Variants in ST14 observed in about 807,000 individuals in gnomAD.
The protein encoded by ST14 is suppressor of tumorigenicity 14 protein.
ST14 carries 40 observed loss-of-function variants against 96.5 expected under a neutral mutation model. The observed-to-expected ratio is 0.41, with a 90% CI of 0.32 to 0.54. The LOEUF is 0.54. ST14 is among the 20% of genes least tolerant of loss of function. The pLI is 0.17. For missense variants in ST14, 1,066 were observed against 1,188.9 expected, an observed-to-expected ratio of 0.90 and a Z score of 1.52; for synonymous variants, 506 against 492.1, an observed-to-expected ratio of 1.03 and a Z score of -0.37.
Position 130,187,352 on chromosome 11 carries a change from C to T in ST14, c.82-762C>T, listed in dbSNP as rs972486083. On this transcript the variant is annotated intron_variant, in intron 1 of 18. Transcript: ENST00000278742. The surrounding 1 kb of genome is among the most constrained non-coding windows in gnomAD (Gnocchi z 4.5). The stretch of plus-strand genomic sequence containing the variant: ...ATTCTGGCCCCTCATCATGGATACC[C>T]TTGGCAGGGAGGAACCCGGGGAAGT... Among the ~76,000 whole-genome samples, 1 of 152,160 alleles carries T rather than the reference C, an allele frequency of 6.6e-6. No individual in the cohort carries two copies.
intron 9 of ST14, among the ~76,000 whole-genome samples, chr11:130,195,516 G>A (rs1282442084): frequency 6.6e-6 from 1 of 152,130 alleles, no homozygotes; most frequent in South Asian, 2.1e-4. Context: ...TGTCCGTGCC[G>A]CTCACGCCAT....
chr11:130,160,833 G>A (rs537923393), intron 1 of ST14, among the ~76,000 whole-genome samples: 145 of 152,326 alleles, frequency 9.5e-4, no homozygotes, highest in Non-Finnish European at 1.4e-3. Context: ...GGTAGTGCCC[G>A]GGCGGGACCA....
At chr11:130,161,584 AC>A (rs77872173) in intron 1 of ST14, among the ~76,000 whole-genome samples, 5,354 of 150,442 alleles carry the variant, frequency 0.036, 178 homozygotes, top group East Asian at 0.16. Context: ...CCTTCCACTC[AC>A]CCCCAGGATC....
At chr11:130,172,726 C>T (rs1394270990) in intron 1 of ST14, among the ~76,000 whole-genome samples, 1 of 152,100 alleles carries the variant, frequency 6.6e-6, no homozygotes. Context: ...CATTGCTGTC[C>T]TCTTCCTATG....
chr11:130,189,994 C>A (rs1953279122), intron 5 of ST14, 98 bp downstream of exon 5: 1 of 1,609,258 alleles, frequency 6.2e-7, no homozygotes, highest in African/African-American at 1.3e-5. Flanking sequence ...CTCCCAGGGC[C>A]CAGTGCCCCA....
chr11:130,178,100 T>G, intron 1 of ST14, among the ~76,000 whole-genome samples: 1 of 152,212 alleles, frequency 6.6e-6, no homozygotes, highest in East Asian at 1.9e-4. Context: ...TATTGCAAAC[T>G]ATACATAATA....
Position 130,197,898 on chromosome 11 carries a change from G to T in ST14, c.1412G>T (p.Cys471Phe). 1 of 1,598,012 alleles carries T rather than the reference G, an allele frequency of 6.3e-7. No individual in the cohort carries two copies. Among genetic ancestry groups the T allele is most frequent in the Non-Finnish European group, 8.5e-7 (1 of 1,175,050 alleles). The change falls in exon 12 of 19, where the codon TGT becomes TTT. Residue 471 changes from cysteine to phenylalanine, a missense_variant. Transcript: ENST00000278742. ...CGGTGTATCCGGAAGGAGCTGCGCT[G>T]TGATGGCTGGGCCGACTGCACCGAC... ...TGRCIRKELR[C>F]DGWADCTDHS...
rs4937497 is a variant in ST14, at chr11:130,203,272, G to A, written c.1994+3135G>A. Among the ~76,000 whole-genome samples, 772 of 152,212 alleles carry A rather than the reference G, an allele frequency of 5.1e-3. 3 individuals carry two copies. Among genetic ancestry groups the A allele is most frequent in the Non-Finnish European group, 8.6e-3 (582 of 68,006 alleles). On this transcript the variant is annotated intron_variant, in intron 16 of 18. Coordinates refer to ENST00000278742, the MANE Select transcript of ST14 (RefSeq NM_021978.4). ...CAAGGATGGCTCTCCCCTCTCCCCCGTCCCATGAGACCCTTTCAGCTACAT... is the reference window on the plus strand; with the variant it reads ...CAAGGATGGCTCTCCCCTCTCCCCCATCCCATGAGACCCTTTCAGCTACAT...
rs368167233 is a variant in ST14 at position 130,189,691 on chromosome 11, G to A, written c.441-48G>A. On this transcript the variant is annotated intron_variant, in intron 4 of 18. Coordinates refer to ENST00000278742, the MANE Select transcript of ST14 (RefSeq NM_021978.4). ...CTGGAGTCGCTCTGGGCGCACGTGG[G>A]GGAAATGGGGCCCAGAGCTCCGCCT... 1.4e-5 allele frequency: 23 copies of A among 1,601,822 alleles called. 1 individual carries two copies. Among genetic ancestry groups the A allele is most frequent in the African/African-American group, 9.3e-5 (7 of 74,888 alleles).
intron 11 of ST14, 31 bp downstream of exon 11, chr11:130,196,731 C>T (rs374183518): frequency 2.0e-5 from 32 of 1,613,960 alleles, no homozygotes; most frequent in Middle Eastern, 1.6e-4. Flanking sequence ...GGAGGGCTGG[C>T]GGGGGCCTGC....
chr11:130,188,409 T>TG lies in ST14; in HGVS notation c.242-118dup, dbSNP rs1953259766. Reference sequence around the variant, plus strand: ...TCTCTGGAACCCTGATGGGGAGTGATGGGAAGCAGTCAGGGCTGACCCATG... The same window carrying TG: ...TCTCTGGAACCCTGATGGGGAGTGATGGGGAAGCAGTCAGGGCTGACCCATG... On this transcript the variant is annotated intron_variant, in intron 2 of 18. Transcript: ENST00000278742. The surrounding 1 kb of genome is among the most constrained non-coding windows in gnomAD (Gnocchi z 5.4). 1 of 1,590,696 alleles carries TG rather than the reference T, an allele frequency of 6.3e-7. No individual in the cohort carries two copies.
Position 130,200,121 on chromosome 11 carries a change from G to A in ST14, c.1978G>A (p.Asp660Asn), listed in dbSNP as rs746010776. The stretch of plus-strand genomic sequence containing the variant: ...GGTCTCTGCCGCACACTGCTACATC[G>A]ATGACAGAGGATTCAGGTGGGTCTC... ...WLVSAAHCYIDDRGFRYSDPT... is the reference protein window; with the variant it reads ...WLVSAAHCYINDRGFRYSDPT... Residue 660 changes from aspartate to asparagine, a missense_variant, in exon 16 of 19, where the codon GAT becomes AAT. Physicochemically the swap from Asp to Asn is conservative, Grantham distance 23. Transcript: ENST00000278742. The A allele has an allele frequency of 1.9e-6, 3 of 1,614,136 alleles. No individual in the cohort carries two copies. Among genetic ancestry groups the A allele is most frequent in the East Asian group, 2.2e-5 (1 of 44,880 alleles).
At chr11:130,202,416 A>G (rs979974319) in intron 16 of ST14, among the ~76,000 whole-genome samples, 2 of 152,178 alleles carry the variant, frequency 1.3e-5, no homozygotes, top group African/African-American at 4.8e-5. Context: ...GTGCTGTGGC[A>G]GGGCTGTGTC....
At chr11:130,176,639 C>G (rs894733513) in intron 1 of ST14, among the ~76,000 whole-genome samples, 1 of 151,692 alleles carries the variant, frequency 6.6e-6, no homozygotes, top group African/African-American at 2.4e-5. Flanking sequence ...CCGCCTGCCT[C>G]GGCCTCCCAA....
chr11:130,172,567 A>C (rs975498520), intron 1 of ST14, among the ~76,000 whole-genome samples: 1 of 151,472 alleles, frequency 6.6e-6, no homozygotes, highest in African/African-American at 2.4e-5. Flanking sequence ...ACAGGTGCCC[A>C]CCACCATACC....
At chr11:130,163,637 G>T (rs1239166171) in intron 1 of ST14, among the ~76,000 whole-genome samples, 1 of 152,188 alleles carries the variant, frequency 6.6e-6, no homozygotes, top group Non-Finnish European at 1.5e-5. Context: ...GGGTTGGGAA[G>T]GCAGAAAGCA....
chr11:130,194,305 C>A lies in ST14; in HGVS notation c.1015+17C>A, dbSNP rs1307486403. Reference sequence around the variant, plus strand: ...GGATGAGCAGTAAGGAAGGGCAGGGCAGGGCGGGACTGCCCTCGGGCCACA... The same window carrying A: ...GGATGAGCAGTAAGGAAGGGCAGGGAAGGGCGGGACTGCCCTCGGGCCACA... On this transcript the variant is annotated intron_variant, in intron 8 of 18. Coordinates refer to ENST00000278742, the MANE Select transcript of ST14 (RefSeq NM_021978.4). 2 of 1,614,128 alleles carry A rather than the reference C, an allele frequency of 1.2e-6. No homozygotes were observed. The highest frequency in any genetic ancestry group is 1.7e-6 in the Non-Finnish European group (2 of 1,180,006).
intron 1 of ST14, among the ~76,000 whole-genome samples, chr11:130,172,369 G>A (rs1196144889): frequency 1.3e-5 from 2 of 149,094 alleles, no homozygotes; most frequent in Non-Finnish European, 3.0e-5. Flanking sequence ...GCCTGCCAAA[G>A]TGCTGGGATT....
Position 130,199,059 on chromosome 11 carries a change from G to A in ST14, c.1797G>A (p.Glu599=). The A allele has an allele frequency of 1.2e-6, 2 of 1,613,702 alleles. No individual in the cohort carries two copies. Among genetic ancestry groups the A allele is most frequent in the East Asian group, 2.2e-5 (1 of 44,872 alleles). Residue 599 remains glutamate (E), a synonymous_variant, in exon 15 of 19, where the codon GAG becomes GAA. Coordinates refer to ENST00000278742, the MANE Select transcript of ST14 (RefSeq NM_021978.4). ...GKEDCSDGSD[E]KDCDCGLRSF... ...AGGACTGTAGCGACGGCTCAGATGA[G>A]AAGGACTGCGGTGAGCAGGGCATCC...
Sources: allele counts gnomAD v4.1 joint callset (sites outside exome capture counted in the v4.1 genomes callset), GRCh38; gene constraint gnomAD v4.1.1; non-coding constraint Gnocchi (gnomAD v3.1); transcripts MANE v1.5; gene names NCBI Gene and HGNC (gene_info 2026-07-23, HGNC 2026-07-21).